The following IL1RAPL1 variants were observed in gnomAD, a reference collection of about 807,000 sequenced individuals.
The protein encoded by IL1RAPL1 is interleukin-1 receptor accessory protein-like 1.
In IL1RAPL1, 3 loss-of-function variants were observed where a neutral mutation model predicts 48.4. That is an observed-to-expected ratio of 0.06 (90% CI 0.03 to 0.16). The LOEUF (loss-of-function observed/expected upper bound fraction) is 0.16. Among genes scored for constraint, IL1RAPL1 ranks in the 10% least tolerant of loss-of-function variants. IL1RAPL1 has a pLI of 1.00. For missense variants in IL1RAPL1, 349 were observed against 530.6 expected (o/e 0.66, Z 3.36); for synonymous variants, 185 against 187.7 (o/e 0.99, Z 0.12).
chrX:28,641,318 G>C (rs1262655105), intron 1 of IL1RAPL1, among the ~76,000 whole-genome samples: 1 of 110,032 alleles, frequency 9.1e-6, no homozygotes, highest in East Asian at 2.9e-4. Flanking sequence ...TGTGGTGTTT[G>C]GTTTTCTGTT....
intron 2 of IL1RAPL1, among the ~76,000 whole-genome samples, chrX:28,831,716 G>A (rs1047985484): frequency 2.7e-5 from 3 of 111,294 alleles, no homozygotes; most frequent in African/African-American, 9.8e-5. Context: ...TTAATTTTCA[G>A]AGTTCTGAAA....
chrX:29,863,093 A>G (rs1931624916), intron 6 of IL1RAPL1, among the ~76,000 whole-genome samples: 1 of 111,208 alleles, frequency 9.0e-6, no homozygotes, highest in South Asian at 3.8e-4. Flanking sequence ...TGTTAATGAT[A>G]TATAATGTGA....
rs539411690 is a variant in IL1RAPL1, at chrX:29,484,361, C to T, written c.703+85053C>T. On this transcript the variant is annotated intron_variant, in intron 5 of 10. Transcript: ENST00000378993. ...AGCCACCAGTCCCATCATGGGGGCTCACCCTTTTGACTTTATCTAATCCTA... is the reference window on the plus strand; with the variant it reads ...AGCCACCAGTCCCATCATGGGGGCTTACCCTTTTGACTTTATCTAATCCTA... 2.9e-4 allele frequency among the ~76,000 whole-genome samples: 32 copies of T among 111,435 alleles called. No homozygotes were observed. The South Asian group carries it at 6.8e-3, about 24-fold the overall frequency.
intron 6 of IL1RAPL1, among the ~76,000 whole-genome samples, chrX:29,877,651 G>A (rs748485587): frequency 3.6e-5 from 4 of 111,611 alleles, no homozygotes; most frequent in African/African-American, 1.3e-4. Context: ...TAATACACAC[G>A]TACTCTTAGC....
At chrX:29,217,736 T>C (rs1031504519) in intron 2 of IL1RAPL1, among the ~76,000 whole-genome samples, 1 of 105,186 alleles carries the variant, frequency 9.5e-6, no homozygotes, top group African/African-American at 3.5e-5. Flanking sequence ...AAATCATCTA[T>C]ATTAAAATTT....
rs144428418 is a variant in IL1RAPL1 at position 29,804,190 on chromosome X, G to C, written c.779-113274G>C. On this transcript the variant is annotated intron_variant, in intron 6 of 10. Transcript: ENST00000378993. ...AATGCTAAATCAGAAACCAAAAATG[G>C]AATGTGCATAAAATCCCCTTGGACT... Among the ~76,000 whole-genome samples, 16 of 111,443 alleles carry C rather than the reference G, an allele frequency of 1.4e-4. No homozygotes were observed. The East Asian group carries it at 4.2e-3, about 29-fold the overall frequency.
chrX:29,388,699 T>C (rs1933816397), intron 3 of IL1RAPL1, among the ~76,000 whole-genome samples: 1 of 112,150 alleles, frequency 8.9e-6, no homozygotes, highest in Non-Finnish European at 1.9e-5. Context: ...ATTTATATGA[T>C]GACATTTATA....
chrX:28,699,415 A>T (rs1216814981), intron 1 of IL1RAPL1, among the ~76,000 whole-genome samples: 1 of 112,453 alleles, frequency 8.9e-6, no homozygotes, highest in African/African-American at 3.2e-5. Context: ...CATTGTTTCA[A>T]GTTGTTTCCA....
chrX:29,607,663 CTCTT>C (rs1264432530), intron 5 of IL1RAPL1, among the ~76,000 whole-genome samples: 1 of 111,892 alleles, frequency 8.9e-6, no homozygotes, highest in Non-Finnish European at 1.9e-5. Flanking sequence ...TGATTCCACA[CTCTT>C]TCTCTTTTTC....
At chrX:29,378,350 T>A (rs11798327) in intron 3 of IL1RAPL1, among the ~76,000 whole-genome samples, 1 of 111,096 alleles carries the variant, frequency 9.0e-6, no homozygotes, top group Non-Finnish European at 1.9e-5. Context: ...GCCAGCCAGG[T>A]TCTGAATTTT....
Position 28,690,657 on chromosome X carries a change from C to A in IL1RAPL1, c.-24-98663C>A, listed in dbSNP as rs145500445. On this transcript the variant is annotated intron_variant, in intron 1 of 10. Coordinates refer to ENST00000378993, the MANE Select transcript of IL1RAPL1 (RefSeq NM_014271.4). Reference sequence around the variant, plus strand: ...TGTTTCAGAGACACAGTAAACTCAGCATGTCAAGGTGGCAACACATGCTCA... The same window carrying A: ...TGTTTCAGAGACACAGTAAACTCAGAATGTCAAGGTGGCAACACATGCTCA... Among the ~76,000 whole-genome samples the A allele has an allele frequency of 7.1e-4, 79 of 111,487 alleles. 1 individual carries two copies. The East Asian group carries it at 0.017, about 24-fold the overall frequency.
chrX:28,779,483 A>G (rs1311221345), intron 1 of IL1RAPL1, among the ~76,000 whole-genome samples: 1 of 107,575 alleles, frequency 9.3e-6, no homozygotes, highest in African/African-American at 3.4e-5. Context: ...CCATGATACT[A>G]AGCTCTGACT....
intron 2 of IL1RAPL1, among the ~76,000 whole-genome samples, chrX:28,889,459 A>C (rs917980822): frequency 8.9e-6 from 1 of 111,888 alleles, no homozygotes; most frequent in Non-Finnish European, 1.9e-5. Flanking sequence ...CATTATCTAC[A>C]TGAAGAAATT....
At chrX:29,795,221 T>C (rs1010238521) in intron 6 of IL1RAPL1, among the ~76,000 whole-genome samples, 18 of 111,926 alleles carry the variant, frequency 1.6e-4, no homozygotes, top group African/African-American at 5.5e-4. Flanking sequence ...TCTATATCTA[T>C]CTATTACATA....
chrX:29,031,292 CG>C (rs1403311749), intron 2 of IL1RAPL1, among the ~76,000 whole-genome samples: 1 of 112,180 alleles, frequency 8.9e-6, no homozygotes, highest in African/African-American at 3.2e-5. Context: ...TCAGCACAAT[CG>C]TTGCCAATTC....
At chrX:29,503,107 G>C (rs938290177) in intron 5 of IL1RAPL1, among the ~76,000 whole-genome samples, 2 of 111,633 alleles carry the variant, frequency 1.8e-5, no homozygotes, top group African/African-American at 6.5e-5. Flanking sequence ...AGTCTCTAAT[G>C]ATTCTTTGTA....
intron 8 of IL1RAPL1, among the ~76,000 whole-genome samples, chrX:29,935,769 T>A (rs1398500621): frequency 9.0e-6 from 1 of 111,491 alleles, no homozygotes; most frequent in Non-Finnish European, 1.9e-5. Context: ...TGGGCTCTAA[T>A]GATGGGTCCT....
intron 6 of IL1RAPL1, among the ~76,000 whole-genome samples, chrX:29,691,772 A>AG (rs34962805): frequency 6.7e-5 from 6 of 90,119 alleles, no homozygotes; most frequent in Admixed American, 2.7e-4. Context: ...AAAAAAAAAA[A>AG]CTCACTATAC....
At chrX:28,803,209 T>C (rs1936694167) in intron 2 of IL1RAPL1, among the ~76,000 whole-genome samples, 1 of 111,931 alleles carries the variant, frequency 8.9e-6, no homozygotes, top group Non-Finnish European at 1.9e-5. Context: ...GGTCTTGTCA[T>C]TTTAATAATT....
Sources: allele counts gnomAD v4.1 joint callset (sites outside exome capture counted in the v4.1 genomes callset), GRCh38; gene constraint gnomAD v4.1.1; transcripts MANE v1.5; gene names NCBI Gene and HGNC (gene_info 2026-07-23, HGNC 2026-07-21).